Variants in MOXD1 observed in about 807,000 individuals in gnomAD.
MOXD1 encodes monooxygenase DBH like 1.
In MOXD1, 62 loss-of-function variants were observed where a neutral mutation model predicts 66.6. That is an observed-to-expected ratio of 0.93 (90% CI 0.76 to 1.15). The LOEUF (loss-of-function observed/expected upper bound fraction) is 1.15. MOXD1 is among the 50% of genes most tolerant of loss of function. The pLI is 0.00. For missense variants in MOXD1, 847 were observed against 754.6 expected (o/e 1.12, Z -1.44); for synonymous variants, 303 against 281.9 (o/e 1.07, Z -0.75).
At chr6:132,303,561 T>C (rs1398008875) in intron 10 of MOXD1, among the ~76,000 whole-genome samples, 1 of 151,712 alleles carries the variant, frequency 6.6e-6, no homozygotes, top group African/African-American at 2.4e-5. Flanking sequence ...TATGCTGTAT[T>C]GTTAAGGAAT....
chr6:132,355,895 A>G (rs1775901251), intron 4 of MOXD1, among the ~76,000 whole-genome samples: 1 of 152,256 alleles, frequency 6.6e-6, no homozygotes, highest in Non-Finnish European at 1.5e-5. Flanking sequence ...TGTTCAGAAA[A>G]TGAAATTCAA....
rs755084773 is a variant in MOXD1 at position 132,322,845 on chromosome 6, C to T, written c.1139G>A (p.Gly380Glu). ...GAGAAGAACAGCAAACACATGAATT[C>T]CACTTGGCTTTTCGGCTTCCAGAGC... ...EEALEAEKPS[G>E]IHVFAVLLHA... Residue 380 changes from glycine (G) to glutamate (E), a missense_variant, in exon 8 of 12, where the codon GGA (glycine) becomes GAA (glutamate). Gly to Glu is a moderately conservative substitution (Grantham distance 98). Transcript: ENST00000367963. The T allele has an allele frequency of 2.5e-6, 4 of 1,613,472 alleles. No individual in the cohort carries two copies. Among genetic ancestry groups the T allele is most frequent in the East Asian group, 4.5e-5 (2 of 44,860 alleles).
Position 132,322,960 on chromosome 6 carries a change from G to A in MOXD1, c.1114-90C>T, listed in dbSNP as rs373540396. On this transcript the variant is annotated intron_variant, in intron 7 of 11. Coordinates refer to ENST00000367963, the MANE Select transcript of MOXD1 (RefSeq NM_015529.4). ...CAAACACACTTGGAGGGACAACTGA[G>A]ATAAAAAGCTAAAGCAATTTAAATG... 49 of 1,140,692 alleles carry A rather than the reference G, an allele frequency of 4.3e-5. 1 individual carries two copies. The highest frequency in any genetic ancestry group is 1.5e-4 in the Admixed American group (5 of 32,534). The allele number at this position is 1,140,692 out of a possible 1,614,324, so 70.7% of individuals were successfully genotyped here.
intron 4 of MOXD1, among the ~76,000 whole-genome samples, chr6:132,363,477 A>T (rs1384232713): frequency 6.6e-6 from 1 of 152,188 alleles, no homozygotes; most frequent in African/African-American, 2.4e-5. Context: ...TTCCACGCAA[A>T]TTATTTTTCA....
At chr6:132,390,361 G>A (rs1776734738) in intron 1 of MOXD1, 1 of 151,472 alleles carries the variant, frequency 6.6e-6, no homozygotes, top group South Asian at 2.1e-4. Context: ...TGGGACACTT[G>A]TTTTCTTTCA....
intron 9 of MOXD1, among the ~76,000 whole-genome samples, chr6:132,316,316 T>A (rs1365528774): frequency 6.6e-6 from 1 of 152,070 alleles, no homozygotes; most frequent in Admixed American, 6.6e-5. Flanking sequence ...CAAAAATTAT[T>A]AAGTGGGAAA....
At chr6:132,356,778 T>C (rs1227869350) in intron 4 of MOXD1, among the ~76,000 whole-genome samples, 1 of 152,154 alleles carries the variant, frequency 6.6e-6, no homozygotes, top group East Asian at 1.9e-4. Flanking sequence ...AGAGTGATCC[T>C]AATTTGTTTA....
intron 4 of MOXD1, among the ~76,000 whole-genome samples, chr6:132,331,302 T>C (rs1021273313): frequency 6.6e-6 from 1 of 152,214 alleles, no homozygotes; most frequent in African/African-American, 2.4e-5. Flanking sequence ...AAGGTTGTAC[T>C]GAGCTCTGTA....
At chr6:132,368,733 T>C (rs1032542350) in intron 4 of MOXD1, among the ~76,000 whole-genome samples, 1 of 152,156 alleles carries the variant, frequency 6.6e-6, no homozygotes, top group African/African-American at 2.4e-5. Flanking sequence ...AAACTACTGA[T>C]ATATTTTCTT....
intron 4 of MOXD1, among the ~76,000 whole-genome samples, chr6:132,352,780 C>G (rs1405638084): frequency 1.3e-5 from 2 of 152,108 alleles, no homozygotes; most frequent in Admixed American, 1.3e-4. Flanking sequence ...ATTCTTAGTT[C>G]TATTAGTAAC....
rs180963668 is a variant in MOXD1 at position 132,339,021 on chromosome 6, T to G, written c.664-10427A>C. Among the ~76,000 whole-genome samples, 527 of 152,322 alleles carry G rather than the reference T, an allele frequency of 3.5e-3. 4 individuals carry two copies. Among genetic ancestry groups the G allele is most frequent in the Middle Eastern group, 0.024 (7 of 294 alleles). On this transcript the variant is annotated intron_variant, in intron 4 of 11. Transcript: ENST00000367963. ...TCACAAGTTCCAATATTTCAAAATC[T>G]AATTTTAAGGCTTGTATGTCACAAA...
chr6:132,397,630 G>GAC (rs1776916064), intron 1 of MOXD1, among the ~76,000 whole-genome samples: 2 of 127,444 alleles, frequency 1.6e-5, no homozygotes, highest in East Asian at 2.0e-4. Context: ...GAGAGAGAGA[G>GAC]AGAGACAGAA....
intron 1 of MOXD1, among the ~76,000 whole-genome samples, chr6:132,384,280 TCCTTC>T (rs200450930): frequency 0.047 from 5,280 of 111,900 alleles, 153 homozygotes; most frequent in East Asian, 0.15. Context: ...CTTCCTTCCT[TCCTTC>T]CTTCCTCCTT....
intron 7 of MOXD1, 146 bp from the exon 8 acceptor site, chr6:132,323,016 G>C: frequency 1.3e-6 from 1 of 766,908 alleles, no homozygotes; most frequent in Non-Finnish European, 2.0e-6. Flanking sequence ...GTTTGAATTC[G>C]GATTGTTCAG....
Position 132,322,661 on chromosome 6 carries a change from G to T in MOXD1, c.1305+18C>A, listed in dbSNP as rs775583884. ...GACTTTCATAACAGTCAATGAAAAA[G>T]AACAAAAACATGCATACTGGTAAGA... On this transcript the variant is annotated intron_variant, in intron 8 of 11. Transcript: ENST00000367963. The T allele has an allele frequency of 1.4e-5, 22 of 1,603,374 alleles. No homozygotes were observed. The South Asian group carries it at 1.7e-4, about 12-fold the overall frequency.
At chr6:132,394,292 G>A (rs72994863) in intron 1 of MOXD1, among the ~76,000 whole-genome samples, 213 of 152,166 alleles carry the variant, frequency 1.4e-3, no homozygotes, top group Middle Eastern at 3.4e-3. Context: ...AGCCAACACC[G>A]TAGATAAATC....
chr6:132,397,638 GAAAGAAAGAA>G (rs1776918847), intron 1 of MOXD1, among the ~76,000 whole-genome samples: 3 of 28,372 alleles, frequency 1.1e-4, no homozygotes, highest in East Asian at 3.3e-3. Context: ...GAGAGAGACA[GAAAGAAAGAA>G]AGAAAGAAAG....
At position 132,372,874 on chromosome 6, in the gene MOXD1, C is replaced by T; in HGVS notation, c.535G>A (p.Val179Met). Residue 179 changes from valine (V) to methionine (M), a missense_variant, in exon 3 of 12, where the codon GTG (valine) becomes ATG (methionine). Coordinates refer to ENST00000367963, the MANE Select transcript of MOXD1 (RefSeq NM_015529.4). ...LRLLNPEKTS[V>M]LSTALPYFDL... Reference sequence around the variant, plus strand: ...AAGTATGGTAAGGCTGTAGATAGCACACTAGTTTTCTCAGGATTCAATAAC... The same window carrying T: ...AAGTATGGTAAGGCTGTAGATAGCATACTAGTTTTCTCAGGATTCAATAAC... 10 of 1,614,068 alleles carry T rather than the reference C, an allele frequency of 6.2e-6. No individual in the cohort carries two copies. The highest frequency in any genetic ancestry group is 2.2e-5 in the East Asian group (1 of 44,870).
At chr6:132,364,840 G>T (rs1341230628) in intron 4 of MOXD1, among the ~76,000 whole-genome samples, 1 of 152,128 alleles carries the variant, frequency 6.6e-6, no homozygotes, top group African/African-American at 2.4e-5. Flanking sequence ...TGTACAGACG[G>T]AACCTAAGGC....
Sources: allele counts gnomAD v4.1 joint callset (sites outside exome capture counted in the v4.1 genomes callset), GRCh38; gene constraint gnomAD v4.1.1; transcripts MANE v1.5; gene names NCBI Gene and HGNC (gene_info 2026-07-23, HGNC 2026-07-21).